The following RBFOX1 variants were observed in gnomAD, a reference collection of about 807,000 sequenced individuals.
RBFOX1 encodes RNA binding protein fox-1 homolog 1.
Under a neutral mutation model 57.7 loss-of-function variants are expected in RBFOX1, and 8 were observed. The observed-to-expected ratio is 0.14, with a 90% CI of 0.08 to 0.25. RBFOX1 has a LOEUF of 0.25. RBFOX1 is among the 10% of genes least tolerant of loss of function. The pLI, the probability that RBFOX1 is intolerant of heterozygous loss-of-function variation, is 1.00. For synonymous variants in RBFOX1, 326 were observed against 222.4 expected (o/e 1.47, Z -4.15); for missense variants, 611 against 548.5 (o/e 1.11, Z -1.14).
chr16:6,997,659 G>T (rs771051015), intron 3 of RBFOX1, among the ~76,000 whole-genome samples: 17 of 152,096 alleles, frequency 1.1e-4, no homozygotes, highest in Non-Finnish European at 1.6e-4. Flanking sequence ...CTTTGTCAGG[G>T]TATTGTTCGG....
intron 3 of RBFOX1, among the ~76,000 whole-genome samples, chr16:6,693,841 A>G (rs760597149): frequency 2.0e-4 from 31 of 152,214 alleles, no homozygotes; most frequent in Non-Finnish European, 4.1e-4. Flanking sequence ...CACCACCATC[A>G]TCCTTATTCA....
At chr16:7,706,271 T>C (rs2082408406) in intron 14 of RBFOX1, among the ~76,000 whole-genome samples, 2 of 152,230 alleles carry the variant, frequency 1.3e-5, no homozygotes, top group Admixed American at 6.5e-5. Flanking sequence ...TGAAATTTAT[T>C]AATCATAATA....
chr16:6,676,153 C>G (rs1418051598), intron 3 of RBFOX1, among the ~76,000 whole-genome samples: 2 of 116,658 alleles, frequency 1.7e-5, no homozygotes, highest in South Asian at 2.7e-4. Flanking sequence ...CACACACACA[C>G]ACACACACAC....
intron 1 of RBFOX1, among the ~76,000 whole-genome samples, chr16:6,161,942 TG>T (rs1241803216): frequency 8.5e-5 from 13 of 152,232 alleles, no homozygotes; most frequent in Non-Finnish European, 1.6e-4. Flanking sequence ...CTGCAGGGGC[TG>T]GAGGCCCTCT....
chr16:7,184,331 T>C (rs1413827424), intron 4 of RBFOX1, among the ~76,000 whole-genome samples: 4 of 152,212 alleles, frequency 2.6e-5, no homozygotes, highest in Admixed American at 6.5e-5. Flanking sequence ...GACAGTGTAC[T>C]CTGTTCCTTA....
intron 4 of RBFOX1, among the ~76,000 whole-genome samples, chr16:7,455,499 T>C (rs1434097802): frequency 1.3e-5 from 2 of 152,114 alleles, no homozygotes; most frequent in Non-Finnish European, 2.9e-5. Context: ...TAAGAAATCT[T>C]ATTCACACTT....
chr16:7,321,510 A>AT (rs1192821121), intron 4 of RBFOX1, among the ~76,000 whole-genome samples: 5 of 152,118 alleles, frequency 3.3e-5, no homozygotes, highest in Admixed American at 2.6e-4. Context: ...ATAACATGGG[A>AT]TTATGTATGG....
At chr16:5,710,709 C>T (rs1451461851) in intron 3 of RBFOX1, among the ~76,000 whole-genome samples, 2 of 152,158 alleles carry the variant, frequency 1.3e-5, no homozygotes, top group Non-Finnish European at 2.9e-5. Flanking sequence ...CAGACATGAT[C>T]ACTTTGTGGT....
intron 9 of RBFOX1, among the ~76,000 whole-genome samples, chr16:7,601,387 C>T (rs186113427): frequency 2.0e-4 from 31 of 152,250 alleles, no homozygotes; most frequent in Middle Eastern, 6.8e-3. Context: ...CTATTTATAG[C>T]GCAGTAGTAT....
intron 1 of RBFOX1, among the ~76,000 whole-genome samples, chr16:5,292,927 GT>G (rs936009113): frequency 6.6e-6 from 1 of 151,936 alleles, no homozygotes; most frequent in African/African-American, 2.4e-5. Context: ...CCAGCCTGGA[GT>G]TTTTTTTAAA....
At chr16:6,279,233 T>C (rs1333897663) in intron 1 of RBFOX1, among the ~76,000 whole-genome samples, 1 of 152,194 alleles carries the variant, frequency 6.6e-6, no homozygotes, top group African/African-American at 2.4e-5. Flanking sequence ...ATGTTAGGAT[T>C]AGTCTGGTTA....
intron 4 of RBFOX1, among the ~76,000 whole-genome samples, chr16:7,236,318 G>C (rs2093763026): frequency 6.6e-6 from 1 of 152,188 alleles, no homozygotes; most frequent in African/African-American, 2.4e-5. Context: ...GCTCAAGTTA[G>C]GGAGAGAAGG....
At chr16:7,694,145 TTAAGCC>T (rs1349530899) in intron 14 of RBFOX1, among the ~76,000 whole-genome samples, 1 of 152,224 alleles carries the variant, frequency 6.6e-6, no homozygotes, top group African/African-American at 2.4e-5. Flanking sequence ...TTTGTCGTTT[TTAAGCC>T]TAAACTATGA....
intron 2 of RBFOX1, among the ~76,000 whole-genome samples, chr16:5,537,828 G>T (rs994233010): frequency 4.2e-4 from 64 of 152,210 alleles, no homozygotes; most frequent in African/African-American, 1.5e-3. Context: ...CTTCTCTCAA[G>T]CTGTATATCT....
intron 3 of RBFOX1, among the ~76,000 whole-genome samples, chr16:6,718,774 C>G (rs1226223471): frequency 6.6e-6 from 1 of 152,180 alleles, no homozygotes; most frequent in Non-Finnish European, 1.5e-5. Context: ...GAGTTAAACT[C>G]ACAACTAGGT....
At chr16:6,475,590 T>A (rs42347) in intron 2 of RBFOX1, among the ~76,000 whole-genome samples, 54,711 of 152,076 alleles carry the variant, frequency 0.36, 11,442 homozygotes, top group South Asian at 0.61. Flanking sequence ...AAGTCCACTA[T>A]AAATCGTATG....
At chr16:7,316,347 T>C (rs2096438676) in intron 4 of RBFOX1, among the ~76,000 whole-genome samples, 1 of 152,230 alleles carries the variant, frequency 6.6e-6, no homozygotes, top group South Asian at 2.1e-4. Flanking sequence ...TTCCTAACAT[T>C]GCATGATCTG....
chr16:6,856,132 T>G (rs201746115), intron 3 of RBFOX1, among the ~76,000 whole-genome samples: 1 of 151,772 alleles, frequency 6.6e-6, no homozygotes, highest in Non-Finnish European at 1.5e-5. Flanking sequence ...TTCCCTTCCC[T>G]TTACCTTCCC....
chr16:7,508,642 C>A (rs772437558), intron 4 of RBFOX1, among the ~76,000 whole-genome samples: 14 of 152,136 alleles, frequency 9.2e-5, no homozygotes, highest in Non-Finnish European at 1.5e-4. Context: ...GGCACAAATA[C>A]TATGTATCCA....
Sources: allele counts gnomAD v4.1 joint callset (sites outside exome capture counted in the v4.1 genomes callset), GRCh38; gene constraint gnomAD v4.1.1; transcripts MANE v1.5; gene names NCBI Gene and HGNC (gene_info 2026-07-23, HGNC 2026-07-21).